HMBOX1: variants seen among roughly 807,000 people sequenced by gnomAD.
HMBOX1 encodes homeobox containing 1.
HMBOX1 carries 14 observed loss-of-function variants against 54.5 expected under a neutral mutation model. That is an observed-to-expected ratio of 0.26 (90% CI 0.17 to 0.40). The LOEUF (loss-of-function observed/expected upper bound fraction) is 0.40. HMBOX1 is among the 10% of genes least tolerant of loss of function. The pLI is 1.00. For missense variants in HMBOX1, 332 were observed against 514.4 expected, an observed-to-expected ratio of 0.65 and a Z score of 3.43; for synonymous variants, 160 against 181.0, an observed-to-expected ratio of 0.88 and a Z score of 0.93.
At chr8:29,029,325 G>T (rs1802550112) in intron 6 of HMBOX1, among the ~76,000 whole-genome samples, 1 of 152,196 alleles carries the variant, frequency 6.6e-6, no homozygotes, top group Non-Finnish European at 1.5e-5. Flanking sequence ...CCTAGCCAGA[G>T]AAATAATTAG....
intron 1 of HMBOX1, among the ~76,000 whole-genome samples, chr8:28,909,196 A>G (rs1046029695): frequency 2.6e-5 from 4 of 152,170 alleles, no homozygotes; most frequent in African/African-American, 9.7e-5. Context: ...TGACAAGATA[A>G]TTGACCTACC....
chr8:28,922,482 A>G (rs1176842906), intron 1 of HMBOX1, among the ~76,000 whole-genome samples: 1 of 152,164 alleles, frequency 6.6e-6, no homozygotes, highest in Non-Finnish European at 1.5e-5. Flanking sequence ...TATCTTTGCA[A>G]AATCAAATCT....
intron 1 of HMBOX1, chr8:28,890,944 A>T (rs546650386): frequency 6.6e-6 from 1 of 152,102 alleles, no homozygotes; most frequent in Non-Finnish European, 1.5e-5. Context: ...GGTTTCCTCT[A>T]CGATGAGCGG....
intron 6 of HMBOX1, among the ~76,000 whole-genome samples, chr8:29,030,195 T>C (rs561254625): frequency 1.3e-5 from 2 of 151,006 alleles, no homozygotes; most frequent in African/African-American, 4.9e-5. Context: ...TTTTTTTTTT[T>C]CATGTAAAAA....
At chr8:28,930,648 C>G (rs1450854347) in intron 1 of HMBOX1, among the ~76,000 whole-genome samples, 1 of 152,148 alleles carries the variant, frequency 6.6e-6, no homozygotes, top group East Asian at 1.9e-4. Context: ...CTTAAGCATA[C>G]TTTGTGTTTT....
chr8:29,013,252 C>G (rs1322258264), intron 5 of HMBOX1, among the ~76,000 whole-genome samples: 2 of 152,198 alleles, frequency 1.3e-5, no homozygotes, highest in Non-Finnish European at 2.9e-5. Flanking sequence ...TCTCCTGCCT[C>G]AGCCTCAGGA....
intron 1 of HMBOX1, among the ~76,000 whole-genome samples, chr8:28,938,875 TA>T (rs1820852424): frequency 1.3e-5 from 2 of 152,064 alleles, no homozygotes; most frequent in African/African-American, 4.8e-5. Flanking sequence ...CTTTCTAAAT[TA>T]AAAATGATGG....
intron 1 of HMBOX1, among the ~76,000 whole-genome samples, chr8:28,923,051 A>G (rs1049671628): frequency 6.6e-6 from 1 of 152,230 alleles, no homozygotes; most frequent in Non-Finnish European, 1.5e-5. Flanking sequence ...AACTATTTTA[A>G]TGAGTACAAT....
At chr8:28,926,836 C>T (rs1818604369) in intron 1 of HMBOX1, among the ~76,000 whole-genome samples, 1 of 152,202 alleles carries the variant, frequency 6.6e-6, no homozygotes, top group South Asian at 2.1e-4. Context: ...TGAGCCACCA[C>T]ACTTGGCCTG....
intron 5 of HMBOX1, chr8:29,010,054 G>T (rs1834029894): frequency 1.0e-6 from 1 of 984,420 alleles, no homozygotes; most frequent in Non-Finnish European, 1.2e-6. Flanking sequence ...ATTTTTGTGT[G>T]TAAGTATGTG....
intron 1 of HMBOX1, among the ~76,000 whole-genome samples, chr8:28,960,889 C>T (rs191087501): frequency 6.8e-6 from 1 of 147,578 alleles, no homozygotes; most frequent in African/African-American, 2.5e-5. Context: ...CGGATTCAAG[C>T]GATTCTCCTG....
intron 1 of HMBOX1, among the ~76,000 whole-genome samples, chr8:28,934,661 C>G (rs963910400): frequency 1.3e-5 from 2 of 151,678 alleles, no homozygotes; most frequent in African/African-American, 4.8e-5. Context: ...CGCGGTGGCT[C>G]ACGCCTGTAA....
rs71222583 is a variant in HMBOX1, at chr8:28,973,803, G to GTTTTTTTTTTTTTT, written c.500+3302_500+3315dup. 4.4e-3 allele frequency among the ~76,000 whole-genome samples: 320 copies of GTTTTTTTTTTTTTT among 72,622 alleles called. 27 individuals carry two copies. Among genetic ancestry groups the GTTTTTTTTTTTTTT allele is most frequent in the Non-Finnish European group, 5.2e-3 (204 of 38,930 alleles). The allele number at this position is 72,622 out of a possible 152,430, so 47.6% of individuals were successfully genotyped here. On this transcript the variant is annotated intron_variant, in intron 3 of 9. Transcript: ENST00000287701. ...TAATAATTTCGAGATACATAATGGA[G>GTTTTTTTTTTTTTT]TTTTTTTTTTTTTTTTTTTTTTTTT... is the stretch of plus-strand genomic sequence containing the variant.
At chr8:28,966,754 C>T (rs17525233) in intron 2 of HMBOX1, among the ~76,000 whole-genome samples, 3,992 of 152,232 alleles carry the variant, frequency 0.026, 87 homozygotes, top group Non-Finnish European at 0.04. Context: ...TGCTTTGATC[C>T]TGTTTGTTAT....
At chr8:28,934,271 A>C (rs1242220391) in intron 1 of HMBOX1, among the ~76,000 whole-genome samples, 1 of 152,214 alleles carries the variant, frequency 6.6e-6, no homozygotes, top group Non-Finnish European at 1.5e-5. Context: ...ATGTAAAAGC[A>C]AACCAAAACT....
chr8:28,999,063 G>A (rs1301884302), intron 4 of HMBOX1, among the ~76,000 whole-genome samples: 2 of 152,056 alleles, frequency 1.3e-5, no homozygotes, highest in African/African-American at 4.8e-5. Context: ...TACCTACATA[G>A]TTACCTTTAC....
chr8:28,946,658 G>T (rs1053623880), intron 1 of HMBOX1, among the ~76,000 whole-genome samples: 1 of 151,912 alleles, frequency 6.6e-6, no homozygotes, highest in African/African-American at 2.4e-5. Flanking sequence ...AAGAGCATGC[G>T]ATATAAATTT....
chr8:29,018,828 C>T lies in HMBOX1; in HGVS notation c.766C>T (p.Pro256Ser). The stretch of plus-strand genomic sequence containing the variant: ...CCCTGAATGGAGACAAACGCCTCCC[C>T]CAGTCTCTGCCACATCTGGTACTTT... ...EDPEWRQTPP[P>S]VSATSGTFRL... is the part of the protein sequence containing the mutation. Residue 256 changes from proline (P) to serine (S), a missense_variant, in exon 6 of 10, where the codon CCA becomes TCA. Physicochemically the swap from Pro to Ser is moderately conservative, Grantham distance 74. Transcript: ENST00000287701. The T allele has an allele frequency of 2.5e-6, 4 of 1,614,140 alleles. No homozygotes were observed. Among genetic ancestry groups the T allele is most frequent in the Non-Finnish European group, 3.4e-6 (4 of 1,179,960 alleles).
chr8:28,955,361 C>T (rs554018457), intron 1 of HMBOX1, among the ~76,000 whole-genome samples: 4 of 152,172 alleles, frequency 2.6e-5, no homozygotes, highest in Non-Finnish European at 5.9e-5. Context: ...CTATTCTTTT[C>T]TTCTATGCTC....
Sources: gnomAD v4.1 joint callset for allele counts (sites outside exome capture counted in the v4.1 genomes callset) on GRCh38, gnomAD v4.1.1 for gene constraint, MANE v1.5 for transcripts, NCBI Gene and HGNC (gene_info 2026-07-23, HGNC 2026-07-21) for gene names.